ACTR3C: variants seen among roughly 807,000 people sequenced by gnomAD.
ACTR3C encodes actin-related protein 3C.
Under a neutral mutation model 26.3 loss-of-function variants are expected in ACTR3C, and 18 were observed. The ratio of observed to expected loss-of-function variants is 0.68; its 90% CI spans 0.47 to 1.01. ACTR3C has a LOEUF of 1.01. Ranked by LOEUF, ACTR3C falls within the 50% of genes least tolerant of loss-of-function variation. The pLI is 0.00. For missense variants in ACTR3C, 184 were observed against 250.7 expected (o/e 0.73, Z 1.80); for synonymous variants, 55 against 94.5 (o/e 0.58, Z 2.42).
intron 6 of ACTR3C, among the ~76,000 whole-genome samples, chr7:150,255,686 C>T (rs1426131688): frequency 1.3e-5 from 2 of 152,032 alleles, no homozygotes; most frequent in Non-Finnish European, 2.9e-5. Context: ...TTGGAATGAT[C>T]GTTTGCCAAC....
the ACTR3C span, among the ~76,000 whole-genome samples, chr7:149,884,406 G>A: frequency 6.6e-6 from 1 of 152,188 alleles, no homozygotes; most frequent in African/African-American, 2.4e-5. Context: ...AAGTCCAAGA[G>A]ACCTAGTGTG....
At chr7:149,950,297 G>A in the ACTR3C span, among the ~76,000 whole-genome samples, 30 of 142,282 alleles carry the variant, frequency 2.1e-4, no homozygotes, top group Admixed American at 7.5e-4. Flanking sequence ...TATTTCACAA[G>A]CCTGCAGGGA....
chr7:150,009,856 T>C, the ACTR3C span, among the ~76,000 whole-genome samples: 825 of 152,342 alleles, frequency 5.4e-3, 3 homozygotes, highest in African/African-American at 0.019. Flanking sequence ...CCATGTTTGC[T>C]CCCAGCTACG....
the ACTR3C span, among the ~76,000 whole-genome samples, chr7:150,122,238 T>C: frequency 6.6e-6 from 1 of 150,956 alleles, no homozygotes; most frequent in East Asian, 1.9e-4. Context: ...TGGGATCTAA[T>C]TAAAGAGCTT....
At chr7:150,038,014 C>G in the ACTR3C span, among the ~76,000 whole-genome samples, 799 of 138,202 alleles carry the variant, frequency 5.8e-3, 138 homozygotes, top group African/African-American at 0.021. Flanking sequence ...TGCCTCCCCC[C>G]CTGCTATGGT....
chr7:149,956,622 T>C, the ACTR3C span, among the ~76,000 whole-genome samples: 1 of 152,172 alleles, frequency 6.6e-6, no homozygotes, highest in African/African-American at 2.4e-5. Flanking sequence ...TATGGATTGG[T>C]GTTTGCAAAC....
chr7:149,932,399 C>G, the ACTR3C span, among the ~76,000 whole-genome samples: 169 of 152,178 alleles, frequency 1.1e-3, 2 homozygotes, highest in African/African-American at 3.9e-3. Flanking sequence ...TAAAATTAGA[C>G]TGGGGTGATG....
intron 6 of ACTR3C, among the ~76,000 whole-genome samples, chr7:150,279,290 G>A (rs573392922): frequency 1.8e-4 from 27 of 152,332 alleles, no homozygotes; most frequent in East Asian, 1.2e-3. Context: ...GGGCAACAGA[G>A]CAAGGCTCTG....
At chr7:150,011,046 T>C in the ACTR3C span, among the ~76,000 whole-genome samples, 1 of 148,452 alleles carries the variant, frequency 6.7e-6, no homozygotes, top group Non-Finnish European at 1.5e-5. Flanking sequence ...TACAGTGCTA[T>C]GGCTCCTGTG....
At chr7:150,267,824 G>A (rs993050156) in intron 6 of ACTR3C, among the ~76,000 whole-genome samples, 3 of 152,210 alleles carry the variant, frequency 2.0e-5, no homozygotes, top group Admixed American at 2.0e-4. Flanking sequence ...GTGACAGGAA[G>A]CAGATGGGTG....
the ACTR3C span, among the ~76,000 whole-genome samples, chr7:150,032,619 A>G: frequency 1.3e-5 from 2 of 152,242 alleles, no homozygotes; most frequent in Admixed American, 6.5e-5. Flanking sequence ...GCTTGAGATT[A>G]ACACCCACAG....
At chr7:149,949,058 G>A in the ACTR3C span, among the ~76,000 whole-genome samples, 66,278 of 143,908 alleles carry the variant, frequency 0.46, 17,084 homozygotes, top group South Asian at 0.55. Context: ...GCTCACACTT[G>A]TAATCCCAGC....
chr7:150,133,281 C>T, the ACTR3C span, among the ~76,000 whole-genome samples: 1 of 152,130 alleles, frequency 6.6e-6, no homozygotes, highest in Non-Finnish European at 1.5e-5. Flanking sequence ...ATGGACTAGT[C>T]ACAGCAACGA....
At chr7:149,999,761 G>A in the ACTR3C span, among the ~76,000 whole-genome samples, 1 of 150,934 alleles carries the variant, frequency 6.6e-6, no homozygotes, top group African/African-American at 2.4e-5. Context: ...TGAACGCCAG[G>A]TCCATCCCAT....
chr7:150,007,140 G>A, the ACTR3C span, among the ~76,000 whole-genome samples: 1 of 151,968 alleles, frequency 6.6e-6, no homozygotes, highest in Non-Finnish European at 1.5e-5. Context: ...AAAGATGAAG[G>A]CTACTTTGCT....
chr7:149,917,191 T>G, the ACTR3C span, among the ~76,000 whole-genome samples: 1 of 152,028 alleles, frequency 6.6e-6, no homozygotes, highest in African/African-American at 2.4e-5. Flanking sequence ...TTCTCCTGCC[T>G]CAGCCTCCCG....
chr7:150,271,091 G>A (rs943576938), intron 6 of ACTR3C, among the ~76,000 whole-genome samples: 1 of 141,450 alleles, frequency 7.1e-6, no homozygotes, highest in Non-Finnish European at 1.5e-5. Context: ...GCCAATCAAC[G>A]TCAAATGACT....
the ACTR3C span, among the ~76,000 whole-genome samples, chr7:150,138,671 A>G: frequency 6.6e-6 from 1 of 152,270 alleles, no homozygotes; most frequent in Non-Finnish European, 1.5e-5. Flanking sequence ...TCTGCAGTGT[A>G]GTCTGTGCTC....
At chr7:150,028,357 CCTGTGTCTGTGT>C in the ACTR3C span, among the ~76,000 whole-genome samples, 5 of 152,092 alleles carry the variant, frequency 3.3e-5, no homozygotes, top group Non-Finnish European at 7.3e-5. Flanking sequence ...TGTGTGCATG[CCTGTGTCTGTGT>C]CTGTGTCTGT....
Sources: gnomAD v4.1 joint callset for allele counts (sites outside exome capture counted in the v4.1 genomes callset) on GRCh38, gnomAD v4.1.1 for gene constraint, MANE v1.5 for transcripts, NCBI Gene and HGNC (gene_info 2026-07-23, HGNC 2026-07-21) for gene names.